IL12B: variants seen among roughly 807,000 people sequenced by gnomAD.
IL12B encodes the protein interleukin 12B.
In IL12B, 27 loss-of-function variants were observed where a neutral mutation model predicts 39.2. The observed-to-expected ratio is 0.69, with a 90% CI of 0.51 to 0.95. The LOEUF is 0.95. Among genes scored for constraint, IL12B ranks in the 40% least tolerant of loss-of-function variants. The probability of loss-of-function intolerance (pLI) is 0.00; values close to 1 mark genes in which losing one functional copy is unlikely to be tolerated. For missense variants in IL12B, 351 were observed against 397.6 expected (o/e 0.88, Z 1.00); for synonymous variants, 142 against 152.1 (o/e 0.93, Z 0.49).
chr5:159,323,379 G>A, intron 2 of IL12B, 50 bp from the exon 3 acceptor site: 1 of 1,584,982 alleles, frequency 6.3e-7, no homozygotes. Flanking sequence ...CAGGAACTCT[G>A]GGACTGTGTT....
rs149177903 is a variant in IL12B at position 159,318,235 on chromosome 5, G to A, written c.855+501C>T. Reference sequence around the variant, plus strand: ...GAATAACATCAGCTACCTTTGTTGCGTTAATTTTGTAGATTAAGTGAAATA... The same window carrying A: ...GAATAACATCAGCTACCTTTGTTGCATTAATTTTGTAGATTAAGTGAAATA... On this transcript the variant is annotated intron_variant, in intron 6 of 7. Coordinates refer to ENST00000231228, the MANE Select transcript of IL12B (RefSeq NM_002187.3). 6.0e-3 allele frequency: 928 copies of A among 155,170 alleles called. 6 individuals carry two copies. The highest frequency in any genetic ancestry group is 8.8e-3 in the Non-Finnish European group (617 of 69,746). The allele number at this position is 155,170 out of a possible 1,614,324, so 9.6% of individuals were successfully genotyped here.
At chr5:159,326,580 C>T in intron 2 of IL12B, 115 bp downstream of exon 2, 1 of 732,824 alleles carries the variant, frequency 1.4e-6, no homozygotes, top group Non-Finnish European at 2.5e-6. Context: ...TGATGGCTTT[C>T]TCTAGAGGAC....
chr5:159,326,477 C>T (rs1382540693), intron 2 of IL12B, among the ~76,000 whole-genome samples: 1 of 152,174 alleles, frequency 6.6e-6, no homozygotes, highest in Non-Finnish European at 1.5e-5. Context: ...TCTTTCCCCA[C>T]CATAGTGTAC....
At position 159,320,448 on chromosome 5, in the gene IL12B, C is replaced by T. The variant is rs142400793; in HGVS notation, c.555G>A (p.Lys185=). 8.1e-6 allele frequency: 13 copies of T among 1,614,046 alleles called. No homozygotes were observed. In the African/African-American group the frequency reaches 1.7e-4, roughly 22 times the overall value. Residue 185 remains lysine, a synonymous_variant, in exon 5 of 8, where the codon AAG becomes AAA. Transcript: ENST00000231228. ...LSAERVRGDN[K]EYEYSVECQE... is the part of the protein sequence containing the mutation. ...GGCACTCCACTGAGTACTCATACTCCTTGTTGTCCCCTCTGACTCTCTCTG... is the reference window on the plus strand; with the variant it reads ...GGCACTCCACTGAGTACTCATACTCTTTGTTGTCCCCTCTGACTCTCTCTG...
At chr5:159,316,845 C>A (rs1376638459) in intron 6 of IL12B, 29 bp from the exon 7 acceptor site, 2 of 1,613,274 alleles carry the variant, frequency 1.2e-6, no homozygotes, top group Admixed American at 3.3e-5. Flanking sequence ...GCTGTGAAGA[C>A]CCCTTGGCAA....
intron 2 of IL12B, 34 bp from the exon 3 acceptor site, chr5:159,323,363 A>G (rs769755416): frequency 1.1e-5 from 17 of 1,606,036 alleles, no homozygotes; most frequent in Non-Finnish European, 1.4e-5. Context: ...ACCAGGCTGT[A>G]AGCTCCAGGA....
intron 2 of IL12B, among the ~76,000 whole-genome samples, chr5:159,323,591 C>A (rs1754138152): frequency 1.3e-5 from 2 of 152,138 alleles, no homozygotes; most frequent in Admixed American, 1.3e-4. Context: ...GATTATTTAG[C>A]AGATTGGAAA....
At position 159,315,462 on chromosome 5, in the gene IL12B, T is replaced by G. The variant is rs1323618734; in HGVS notation, c.*639A>C. On this transcript the variant is annotated 3_prime_UTR_variant, in exon 8 of 8. Coordinates refer to ENST00000231228, the MANE Select transcript of IL12B (RefSeq NM_002187.3). ...AATTCAGGCATCCAAAGATTAAACT[T>G]GCTTAGAAGTGTAAGTGGCCCTAAA... is the stretch of plus-strand genomic sequence containing the variant. 6.6e-6 allele frequency: 1 copy of G among 152,298 alleles called. No homozygotes were observed. The highest frequency in any genetic ancestry group is 1.9e-4 in the East Asian group (1 of 5,338). 9.4% of individuals were successfully genotyped at this position (152,298 alleles called of 1,614,324 possible). A position where few individuals can be genotyped will look rare whatever the true frequency, so the allele number is the denominator to read the frequency against.
chr5:159,321,004 C>CT lies in IL12B; in HGVS notation c.483-485dup, dbSNP rs200905119. Among the ~76,000 whole-genome samples the CT allele has an allele frequency of 3.7e-3, 527 of 142,158 alleles. 2 individuals carry two copies. Among genetic ancestry groups the CT allele is most frequent in the East Asian group, 8.1e-3 (39 of 4,796 alleles). The allele number at this position is 142,158 out of a possible 152,430, so 93.3% of individuals were successfully genotyped here. ...TCTTTTTCTTTCTCTCTCTCTCTCT[C>CT]TTTTTTTTTTTAAGAGACAGGGTTT... On this transcript the variant is annotated intron_variant, in intron 4 of 7. Coordinates refer to ENST00000231228, the MANE Select transcript of IL12B (RefSeq NM_002187.3).
chr5:159,316,158 T>C (rs1173420613), intron 7 of IL12B, 58 bp from the exon 8 acceptor site: 1 of 157,376 alleles, frequency 6.4e-6, no homozygotes, highest in East Asian at 1.8e-4. Flanking sequence ...ATGTCTCTTC[T>C]TATTTCTCAC....
At chr5:159,321,052 T>C (rs1754080439) in intron 4 of IL12B, among the ~76,000 whole-genome samples, 1 of 150,766 alleles carries the variant, frequency 6.6e-6, no homozygotes, top group Non-Finnish European at 1.5e-5. Context: ...CAGGCTGGAG[T>C]GAAGTGGTGG....
intron 1 of IL12B, among the ~76,000 whole-genome samples, chr5:159,329,519 C>G (rs915749689): frequency 2.6e-5 from 4 of 152,198 alleles, no homozygotes; most frequent in Non-Finnish European, 5.9e-5. Flanking sequence ...TTTGTCTTCT[C>G]TGCCACACTG....
At chr5:159,316,428 T>A (rs1028194711) in intron 7 of IL12B, among the ~76,000 whole-genome samples, 6 of 152,248 alleles carry the variant, frequency 3.9e-5, no homozygotes, top group Admixed American at 3.9e-4. Context: ...CTCTCTCTTT[T>A]CTTTGCCTTT....
chr5:159,319,543 T>A (rs1021497128), intron 5 of IL12B, among the ~76,000 whole-genome samples: 1 of 152,240 alleles, frequency 6.6e-6, no homozygotes, highest in Non-Finnish European at 1.5e-5. Context: ...TGCTAGGGTG[T>A]GTGGTTGGGC....
intron 3 of IL12B, 113 bp from the exon 4 acceptor site, chr5:159,322,624 G>C (rs2113029277): frequency 1.3e-6 from 1 of 755,490 alleles, no homozygotes; most frequent in Non-Finnish European, 2.4e-6. Flanking sequence ...TCCATGCGTT[G>C]CCTCTTGGGT....
Position 159,322,376 on chromosome 5 carries a change from C to T in IL12B, c.482+18G>A. 7.1e-7 allele frequency: 1 copy of T among 1,412,168 alleles called. No individual in the cohort carries two copies. The highest frequency in any genetic ancestry group is 1.0e-6 in the Non-Finnish European group (1 of 995,554). The allele number at this position is 1,412,168 out of a possible 1,614,324, so 87.5% of individuals were successfully genotyped here. On this transcript the variant is annotated intron_variant, in intron 4 of 7. Coordinates refer to ENST00000231228, the MANE Select transcript of IL12B (RefSeq NM_002187.3). ...TAGTTCTAGAAAAATGCTGAGAAAC[C>T]AGAGCAGTTTCACTCACCCTCTGCT...
rs757678113 is a variant in IL12B at position 159,316,791 on chromosome 5, G to A, written c.881C>T (p.Thr294Ile). The change falls in exon 7 of 8, where the codon ACC (threonine) becomes ATC (isoleucine). Residue 294 changes from threonine to isoleucine, a missense_variant. Coordinates refer to ENST00000231228, the MANE Select transcript of IL12B (RefSeq NM_002187.3). The part of the protein sequence containing the change: ...EKKDRVFTDK[T>I]SATVICRKNA... ...TTTGCGGCAGATGACCGTGGCTGAG[G>A]TCTTGTCCGTGAAGACTCTATCTTT... is the stretch of plus-strand genomic sequence containing the variant. 1 of 1,614,080 alleles carries A rather than the reference G, an allele frequency of 6.2e-7. No individual in the cohort carries two copies. Among genetic ancestry groups the A allele is most frequent in the African/African-American group, 1.3e-5 (1 of 75,036 alleles).
In IL12B at chr5:159,315,664, T is replaced by C. The variant is rs1306457489; in HGVS notation, c.*437A>G. 2.0e-5 allele frequency: 3 copies of C among 152,760 alleles called. No individual in the cohort carries two copies. The highest frequency in any genetic ancestry group is 4.4e-5 in the Non-Finnish European group (3 of 68,044). 9.5% of individuals were successfully genotyped at this position (152,760 alleles called of 1,614,324 possible). A position where few individuals can be genotyped will look rare whatever the true frequency, so the allele number is the denominator to read the frequency against. ...ATCAGAACACTGCATTCTTCCTGAT[T>C]GTCATAAAACTGATGTACTTGCAGC... On this transcript the variant is annotated 3_prime_UTR_variant, in exon 8 of 8. Coordinates refer to ENST00000231228, the MANE Select transcript of IL12B (RefSeq NM_002187.3).
intron 5 of IL12B, among the ~76,000 whole-genome samples, chr5:159,319,170 T>C (rs1754042245): frequency 6.6e-6 from 1 of 152,172 alleles, no homozygotes; most frequent in South Asian, 2.1e-4. Flanking sequence ...AACAATCAGA[T>C]GGGACCGCAC....
Sources: gnomAD v4.1 joint callset for allele counts (sites outside exome capture counted in the v4.1 genomes callset) on GRCh38, gnomAD v4.1.1 for gene constraint, MANE v1.5 for transcripts, NCBI Gene and HGNC (gene_info 2026-07-23, HGNC 2026-07-21) for gene names.